Variants in EYS observed in about 807,000 individuals in gnomAD.
EYS encodes EGF-like photoreceptor maintenance factor.
A neutral mutation model predicts 282.1 loss-of-function variants in EYS; 250 were observed. The ratio of observed to expected loss-of-function variants is 0.89; its 90% CI spans 0.80 to 0.98. The LOEUF is 0.98. Among genes scored for constraint, EYS ranks in the 50% least tolerant of loss-of-function variants. EYS has a pLI of 0.00. For missense variants in EYS, 4,016 were observed against 3,709.0 expected (o/e 1.08, Z -2.15); for synonymous variants, 1,355 against 1,282.9 (o/e 1.06, Z -1.20).
At chr6:64,032,143 G>T (rs1428151527) in intron 33 of EYS, among the ~76,000 whole-genome samples, 1 of 152,104 alleles carries the variant, frequency 6.6e-6, no homozygotes, top group African/African-American at 2.4e-5. Context: ...TCACTGCAAA[G>T]GTCCGCAGCT....
chr6:64,330,697 T>G (rs779318351), intron 29 of EYS, among the ~76,000 whole-genome samples: 12 of 152,144 alleles, frequency 7.9e-5, no homozygotes, highest in Admixed American at 6.5e-5. Flanking sequence ...AAGCTCACAT[T>G]TGGACAAAGG....
At chr6:64,138,012 C>T (rs980266794) in intron 31 of EYS, among the ~76,000 whole-genome samples, 4 of 152,068 alleles carry the variant, frequency 2.6e-5, no homozygotes, top group Admixed American at 6.6e-5. Flanking sequence ...ATTAAGCAAT[C>T]GAGAGAATAG....
Position 65,571,998 on chromosome 6 carries a change from A to C in EYS, c.-333+67780T>G, listed in dbSNP as rs143615895. On this transcript the variant is annotated intron_variant, in intron 2 of 42. Coordinates refer to ENST00000503581, the MANE Select transcript of EYS (RefSeq NM_001142800.2). ...AGCCCAAAGTTACAAACATTAAATA[A>C]TTTTTTTTAAGGAACATTACCTAAA... 2.6e-5 allele frequency among the ~76,000 whole-genome samples: 4 copies of C among 151,994 alleles called. No individual in the cohort carries two copies. The East Asian group carries it at 7.7e-4, about 29-fold the overall frequency.
intron 12 of EYS, among the ~76,000 whole-genome samples, chr6:65,173,656 T>C (rs1445571936): frequency 6.6e-6 from 1 of 151,038 alleles, no homozygotes; most frequent in African/African-American, 2.4e-5. Flanking sequence ...TTTATTTTAG[T>C]AACAAAGACA....
intron 12 of EYS, among the ~76,000 whole-genome samples, chr6:65,215,992 A>AT (rs1308369232): frequency 6.6e-6 from 1 of 152,186 alleles, no homozygotes; most frequent in Non-Finnish European, 1.5e-5. Context: ...GAGAACAAAA[A>AT]TATTTTATTG....
intron 22 of EYS, among the ~76,000 whole-genome samples, chr6:64,755,720 T>A (rs1007484688): frequency 2.6e-5 from 4 of 151,972 alleles, no homozygotes; most frequent in Admixed American, 6.6e-5. Flanking sequence ...GAGAGTGGAA[T>A]AATAGACACT....
At chr6:63,844,968 TC>T (rs1772060804) in intron 36 of EYS, among the ~76,000 whole-genome samples, 1 of 152,234 alleles carries the variant, frequency 6.6e-6, no homozygotes, top group Admixed American at 6.5e-5. Flanking sequence ...GCCTAGATTT[TC>T]TTCTAGGGCT....
chr6:65,677,105 GAAAAAAA>G (rs58880200), intron 1 of EYS, among the ~76,000 whole-genome samples: 6 of 107,670 alleles, frequency 5.6e-5, no homozygotes, highest in Non-Finnish European at 7.6e-5. Context: ...AGTCATTGGT[GAAAAAAA>G]AAAAAAAAAA....
chr6:64,345,565 G>T lies in EYS; in HGVS notation c.6079-38483C>A, dbSNP rs527358136. Among the ~76,000 whole-genome samples, 565 of 152,158 alleles carry T rather than the reference G, an allele frequency of 3.7e-3. 2 individuals carry two copies. Among genetic ancestry groups the T allele is most frequent in the African/African-American group, 0.013 (536 of 41,478 alleles). ...AAAAATTAATTCAAGATGGATTAAA[G>T]ACTTAAAGGTTAGACCTAAAACCAT... On this transcript the variant is annotated intron_variant, in intron 29 of 42. Coordinates refer to ENST00000503581, the MANE Select transcript of EYS (RefSeq NM_001142800.2).
chr6:65,161,657 C>CATAA (rs148260379), intron 12 of EYS, among the ~76,000 whole-genome samples: 2,381 of 151,260 alleles, frequency 0.016, 57 homozygotes, highest in African/African-American at 0.055. Flanking sequence ...TGCTGCCTTA[C>CATAA]TTATCTCAAA....
rs752524106 is a variant in EYS at position 65,495,373 on chromosome 6, A to G, written c.38T>C (p.Val13Ala). Residue 13 changes from valine to alanine, a missense_variant, in exon 4 of 43, where the codon GTT (valine) becomes GCT (alanine). Transcript: ENST00000503581. ...DKSIVILSLM[V>A]FHSSFINGKT... ...TCCATTTATGAAAGAGCTGTGAAAA[A>G]CCATCAGGCTCAGAATGACGATTGA... 8 of 1,612,858 alleles carry G rather than the reference A, an allele frequency of 5.0e-6. No homozygotes were observed. The highest frequency in any genetic ancestry group is 6.8e-6 in the Non-Finnish European group (8 of 1,179,996).
At chr6:64,296,764 G>A (rs549584249) in intron 30 of EYS, among the ~76,000 whole-genome samples, 7 of 151,634 alleles carry the variant, frequency 4.6e-5, no homozygotes, top group Admixed American at 2.6e-4. Context: ...GTGCAACCAA[G>A]CCAGGCTAAC....
chr6:65,391,643 AC>A, intron 7 of EYS, among the ~76,000 whole-genome samples: 1 of 152,242 alleles, frequency 6.6e-6, no homozygotes, highest in South Asian at 2.1e-4. Context: ...AAGGAGAACT[AC>A]AAACCACCGC....
chr6:65,338,125 A>AGAT (rs1176765898), intron 10 of EYS, among the ~76,000 whole-genome samples: 1 of 151,222 alleles, frequency 6.6e-6, no homozygotes, highest in Non-Finnish European at 1.5e-5. Flanking sequence ...TAAATGGAAA[A>AGAT]GATGGTGAAT....
At chr6:64,410,947 A>C (rs1037241665) in intron 28 of EYS, among the ~76,000 whole-genome samples, 2 of 151,794 alleles carry the variant, frequency 1.3e-5, no homozygotes, top group African/African-American at 2.4e-5. Context: ...GTTGGGTAGT[A>C]ATCTTTATTT....
intron 29 of EYS, among the ~76,000 whole-genome samples, chr6:64,386,670 G>A (rs779375055): frequency 2.0e-5 from 3 of 152,112 alleles, no homozygotes; most frequent in Non-Finnish European, 4.4e-5. Flanking sequence ...CCCATTTTGA[G>A]AATGGGACTA....
chr6:65,562,974 A>G (rs568631410), intron 2 of EYS, among the ~76,000 whole-genome samples: 1 of 152,194 alleles, frequency 6.6e-6, no homozygotes, highest in East Asian at 1.9e-4. Flanking sequence ...TTTTGCCTGA[A>G]TACATTCTAA....
intron 36 of EYS, among the ~76,000 whole-genome samples, chr6:63,832,110 A>C (rs1330608148): frequency 6.6e-6 from 1 of 152,234 alleles, no homozygotes; most frequent in Non-Finnish European, 1.5e-5. Flanking sequence ...CACAAAAGAA[A>C]GCAGGAAAGA....
intron 29 of EYS, among the ~76,000 whole-genome samples, chr6:64,318,854 C>T (rs575137430): frequency 2.0e-5 from 3 of 151,722 alleles, no homozygotes; most frequent in East Asian, 1.9e-4. Context: ...GTAATGATCA[C>T]GTTAGGGTAA....
Sources: gnomAD v4.1 joint callset for allele counts (sites outside exome capture counted in the v4.1 genomes callset) on GRCh38, gnomAD v4.1.1 for gene constraint, MANE v1.5 for transcripts, NCBI Gene and HGNC (gene_info 2026-07-23, HGNC 2026-07-21) for gene names.